CRELD1: variants seen among roughly 807,000 people sequenced by gnomAD.
CRELD1 encodes the protein CRELD disulfide isomerase 1.
Under a neutral mutation model 58.2 loss-of-function variants are expected in CRELD1, and 42 were observed. The ratio of observed to expected loss-of-function variants is 0.72; its 90% CI spans 0.56 to 0.93. CRELD1 has a LOEUF of 0.93. CRELD1 is among the 40% of genes least tolerant of loss of function. The probability of loss-of-function intolerance (pLI) is 0.00; values close to 1 mark genes in which losing one functional copy is unlikely to be tolerated. For synonymous variants in CRELD1, 222 were observed against 202.0 expected (o/e 1.10, Z -0.84); for missense variants, 500 against 540.6 (o/e 0.92, Z 0.74).
At position 9,944,561 on chromosome 3, in the gene CRELD1, C is replaced by A. The variant is rs1402450292; in HGVS notation, c.1245C>A (p.Gly415=). ...LSERSDRVLE[G]FIKGR ...AGCGCAGTGACCGTGTGCTGGAGGGCTTCATCAAGGGCAGATAATCGCGGC... is the reference window on the plus strand; with the variant it reads ...AGCGCAGTGACCGTGTGCTGGAGGGATTCATCAAGGGCAGATAATCGCGGC... Residue 415 remains glycine, a synonymous_variant, in exon 11 of 11, where the codon GGC becomes GGA. Transcript: ENST00000452070. The A allele has an allele frequency of 6.2e-7, 1 of 1,608,572 alleles. No individual in the cohort carries two copies. The highest frequency in any genetic ancestry group is 1.1e-5 in the South Asian group (1 of 90,976).
chr3:9,942,964 T>A lies in CRELD1; in HGVS notation c.817+68T>A, dbSNP rs1013586081. On this transcript the variant is annotated intron_variant, in intron 8 of 10. Coordinates refer to ENST00000452070, the MANE Select transcript of CRELD1 (RefSeq NM_001077415.3). Reference sequence around the variant, plus strand: ...GGAAGAGCTGCTCCACACCTGTCCCTCCAAACCTTCCCCTTCTCAGGCTTC... The same window carrying A: ...GGAAGAGCTGCTCCACACCTGTCCCACCAAACCTTCCCCTTCTCAGGCTTC... The A allele has an allele frequency of 3.2e-6, 5 of 1,544,962 alleles. No individual in the cohort carries two copies. The African/African-American group carries it at 6.8e-5, about 21-fold the overall frequency.
chr3:9,943,919 ACTGATTTAACCC>A, intron 10 of CRELD1: 1 of 1,566,132 alleles, frequency 6.4e-7, no homozygotes, highest in East Asian at 2.2e-5. Flanking sequence ...CCCCATCTTA[ACTGATTTAACCC>A]CTGAAACAAC....
rs1212359149 is a variant in CRELD1 at position 9,934,981 on chromosome 3, G to A, written c.257+64G>A. 4.4e-6 allele frequency: 6 copies of A among 1,363,346 alleles called. No homozygotes were observed. The Admixed American group carries it at 5.9e-5, about 13-fold the overall frequency. 84.5% of individuals were successfully genotyped at this position (1,363,346 alleles called of 1,614,324 possible). On this transcript the variant is annotated intron_variant, in intron 3 of 10. Transcript: ENST00000452070. ...CCCGCCAAATCTCTGCTCTGCTGGT[G>A]TAGGGCTAGGAACTCTTGGGGAGCA... is the stretch of plus-strand genomic sequence containing the variant.
intron 1 of CRELD1, 35 bp from the exon 2 acceptor site, chr3:9,934,385 C>A (rs541002101): frequency 6.6e-7 from 1 of 1,518,466 alleles, no homozygotes; most frequent in Non-Finnish European, 9.1e-7. Context: ...GGCCTGACTC[C>A]TTCAGTGAAG....
chr3:9,936,551 G>GTATA (rs36230194), intron 3 of CRELD1, among the ~76,000 whole-genome samples: 14 of 148,474 alleles, frequency 9.4e-5, no homozygotes, highest in South Asian at 4.2e-4. Flanking sequence ...ATATATATGC[G>GTATA]TATATATATA....
Position 9,940,947 on chromosome 3 carries a change from C to G in CRELD1, c.558C>G (p.Gly186=). ...GCGGGCACTGTGACTGCCAAGCCGG[C>G]TACGGGGGTGAGGCCTGTGGCCAGT... ...GGSGHCDCQA[G]YGGEACGQCG... The change falls in exon 6 of 11, where the codon GGC becomes GGG. Residue 186 remains glycine (G), a synonymous_variant. Transcript: ENST00000452070. 1 of 1,614,148 alleles carries G rather than the reference C, an allele frequency of 6.2e-7. No individual in the cohort carries two copies. The highest frequency in any genetic ancestry group is 8.5e-7 in the Non-Finnish European group (1 of 1,180,024).
intron 1 of CRELD1, 79 bp downstream of exon 1, chr3:9,933,999 TATCCGG>T: frequency 3.2e-6 from 1 of 311,332 alleles, no homozygotes; most frequent in African/African-American, 2.2e-5. Flanking sequence ...CTTCCCTTCA[TATCCGG>T]ATCCGGGCTC....
rs2085423817 is a variant in CRELD1 at position 9,943,393 on chromosome 3, G to A, written c.926G>A (p.Cys309Tyr). The change falls in exon 10 of 11, where the codon TGT (cysteine) becomes TAT (tyrosine). Residue 309 changes from cysteine to tyrosine, a missense_variant. Cys to Tyr is a radical substitution (Grantham distance 194). Coordinates refer to ENST00000452070, the MANE Select transcript of CRELD1 (RefSeq NM_001077415.3). ...VGSKCLDVDE[C>Y]ETEVCPGENK... The stretch of plus-strand genomic sequence containing the variant: ...CCCTCCCCTCAAGATGTGGATGAGT[G>A]TGAGACAGAGGTGTGTCCGGGAGAG... 6.2e-7 allele frequency: 1 copy of A among 1,614,044 alleles called. No homozygotes were observed.
intron 5 of CRELD1, among the ~76,000 whole-genome samples, chr3:9,938,895 G>T (rs1034892090): frequency 6.6e-6 from 1 of 151,044 alleles, no homozygotes; most frequent in Non-Finnish European, 1.5e-5. Context: ...CCAGTGGCTC[G>T]TACCTGTAAA....
At chr3:9,944,207 C>G (rs2085456218) in intron 10 of CRELD1, 158 bp from the exon 11 acceptor site, 1 of 803,382 alleles carries the variant, frequency 1.2e-6, no homozygotes, top group East Asian at 2.4e-5. Flanking sequence ...GGTAACTGCC[C>G]CTTGCAGGGT....
At chr3:9,934,635 T>A (rs74443002) in intron 2 of CRELD1, 23 bp downstream of exon 2, 8 of 1,611,192 alleles carry the variant, frequency 5.0e-6, no homozygotes, top group Non-Finnish European at 6.8e-6. Context: ...GCAGCCTCGT[T>A]AGAGGGGAAC....
In CRELD1 at chr3:9,941,385, A is replaced by G. The variant is rs1314538936; in HGVS notation, c.733+179A>G. On this transcript the variant is annotated intron_variant, in intron 7 of 10. Transcript: ENST00000452070. ...ACAGTCCAGTACACAGGTACTGTGT[A>G]GTATAGTCCCTGTGTACAGTGAGAG... Among the ~76,000 whole-genome samples the G allele has an allele frequency of 2.6e-5, 4 of 151,570 alleles. No individual in the cohort carries two copies. In the East Asian group the frequency reaches 7.8e-4, roughly 30 times the overall value.
Position 9,944,472 on chromosome 3 carries a change from G to A in CRELD1, c.1156G>A (p.Asp386Asn), listed in dbSNP as rs1024452431. 1.9e-6 allele frequency: 3 copies of A among 1,613,568 alleles called. No individual in the cohort carries two copies. The highest frequency in any genetic ancestry group is 2.2e-5 in the South Asian group (2 of 91,048). The change falls in exon 11 of 11, where the codon GAC (aspartate) becomes AAC (asparagine). Residue 386 changes from aspartate (D) to asparagine (N), a missense_variant. Asp to Asn is a conservative substitution (Grantham distance 23). Coordinates refer to ENST00000452070, the MANE Select transcript of CRELD1 (RefSeq NM_001077415.3). ...ACTGGCCACGCTGGCTGCTAAGGGCGACTTGGTGTTCACCGCCATCTTCAT... is the reference window on the plus strand; with the variant it reads ...ACTGGCCACGCTGGCTGCTAAGGGCAACTTGGTGTTCACCGCCATCTTCAT... ...CALATLAAKG[D>N]LVFTAIFIGA...
At position 9,934,414 on chromosome 3, in the gene CRELD1, C is replaced by A. The variant is rs778889521; in HGVS notation, c.-19-6C>A. On this transcript the variant is annotated splice_region_variant and splice_polypyrimidine_tract_variant and intron_variant, in intron 1 of 10. Coordinates refer to ENST00000452070, the MANE Select transcript of CRELD1 (RefSeq NM_001077415.3). Reference sequence around the variant, plus strand: ...AGTGAAGCCTCTCCACGCCCTCTATCTGCAGGTCCCCAGCCTGGGTAAAGA... The same window carrying A: ...AGTGAAGCCTCTCCACGCCCTCTATATGCAGGTCCCCAGCCTGGGTAAAGA... 2 of 1,609,988 alleles carry A rather than the reference C, an allele frequency of 1.2e-6. No individual in the cohort carries two copies. Among genetic ancestry groups the A allele is most frequent in the South Asian group, 2.2e-5 (2 of 91,008 alleles).
At chr3:9,940,537 G>A (rs909659289) in intron 5 of CRELD1, among the ~76,000 whole-genome samples, 6 of 151,854 alleles carry the variant, frequency 4.0e-5, no homozygotes, top group African/African-American at 1.2e-4. Context: ...GCGTGGTGGC[G>A]CGCGCCTGCA....
At chr3:9,939,990 G>T (rs1423648168) in intron 5 of CRELD1, among the ~76,000 whole-genome samples, 1 of 151,964 alleles carries the variant, frequency 6.6e-6, no homozygotes, top group Admixed American at 6.5e-5. Flanking sequence ...TCCCGGACGG[G>T]CTGGCTGCCC....
In CRELD1 at chr3:9,944,420, G is replaced by C. The variant is rs114286445; in HGVS notation, c.1104G>C (p.Gln368His). The change falls in exon 11 of 11, where the codon CAG becomes CAC. Residue 368 changes from glutamine (Q) to histidine (H), a missense_variant. By Grantham distance (24) the Gln-to-His change is conservative. Transcript: ENST00000452070. ...MTEDELVVLQQMFFGIIICAL... is the reference protein window; with the variant it reads ...MTEDELVVLQHMFFGIIICAL... ...AAGACGAGTTGGTGGTGCTGCAGCA[G>C]ATGTTCTTTGGCATCATCATCTGTG... 1.4e-5 allele frequency: 22 copies of C among 1,614,106 alleles called. No individual in the cohort carries two copies. The highest frequency in any genetic ancestry group is 1.7e-4 in the Middle Eastern group (1 of 5,990).
intron 4 of CRELD1, 44 bp downstream of exon 4, chr3:9,937,716 G>A: frequency 7.2e-7 from 1 of 1,384,432 alleles, no homozygotes; most frequent in Non-Finnish European, 1.0e-6. Flanking sequence ...CACAGGTGAG[G>A]CCTGGTGATA....
chr3:9,934,942 T>C, intron 3 of CRELD1, 25 bp downstream of exon 3: 6 of 1,571,640 alleles, frequency 3.8e-6, no homozygotes, highest in Non-Finnish European at 1.7e-6. Context: ...GGGGAAGGGG[T>C]GTATATTCCC....
Sources: allele counts gnomAD v4.1 joint callset (sites outside exome capture counted in the v4.1 genomes callset), GRCh38; gene constraint gnomAD v4.1.1; transcripts MANE v1.5; gene names NCBI Gene and HGNC (gene_info 2026-07-23, HGNC 2026-07-21).